Variants in SHPRH observed in about 807,000 individuals in gnomAD.
The protein encoded by SHPRH is SNF2 histone linker PHD RING helicase, also known as E3 ubiquitin-protein ligase SHPRH.
In SHPRH, 106 loss-of-function variants were observed where a neutral mutation model predicts 202.5. The ratio of observed to expected loss-of-function variants is 0.52; its 90% CI spans 0.45 to 0.62. The LOEUF (loss-of-function observed/expected upper bound fraction) is 0.62, where lower values mean the gene tolerates loss of function less well. SHPRH is among the 20% of genes least tolerant of loss of function. The pLI, the probability that SHPRH is intolerant of heterozygous loss-of-function variation, is 0.00. For synonymous variants in SHPRH, 729 were observed against 686.0 expected (o/e 1.06, Z -0.98); for missense variants, 1,710 against 2,020.0 (o/e 0.85, Z 2.94).
rs1403981557 is a variant in SHPRH at position 145,919,398 on chromosome 6, T to C, written c.4102A>G (p.Arg1368Gly). 1.2e-6 allele frequency: 2 copies of C among 1,613,224 alleles called. No homozygotes were observed. Among genetic ancestry groups the C allele is most frequent in the Non-Finnish European group, 1.7e-6 (2 of 1,179,434 alleles). Residue 1368 changes from arginine (R) to glycine (G), a missense_variant, in exon 22 of 30, where the codon AGG becomes GGG. Around this residue, in one of 8 missense-constraint regions of SHPRH, gnomAD observed 306 missense variants for 479.5 expected, o/e 0.64. Coordinates refer to ENST00000275233, the MANE Select transcript of SHPRH (RefSeq NM_001042683.3). ...ACAGGCGGATTAGGCTTTGGCTCCC[T>C]AGGATCACGCACTCTTAGTCGTTCT... ...ATERLRVRDP[R>G]EPKPNPPVLH...
At chr6:145,946,553 T>C (rs944927110) in intron 6 of SHPRH, among the ~76,000 whole-genome samples, 2 of 152,012 alleles carry the variant, frequency 1.3e-5, no homozygotes, top group African/African-American at 4.8e-5. Flanking sequence ...TATCTTAAAT[T>C]ACCTAAATGT....
At chr6:145,952,015 C>T (rs948199836) in intron 3 of SHPRH, 15 of 396,326 alleles carry the variant, frequency 3.8e-5, no homozygotes, top group African/African-American at 1.9e-4. Flanking sequence ...GTGGAATAAA[C>T]GCCAGCCAAG....
chr6:145,918,097 C>A, intron 23 of SHPRH, 34 bp downstream of exon 23: 3 of 1,526,614 alleles, frequency 2.0e-6, no homozygotes, highest in Non-Finnish European at 2.7e-6. Flanking sequence ...GATAATGCAG[C>A]ATAGGAAAAA....
At chr6:145,910,288 T>C (rs909398534) in intron 25 of SHPRH, 160 bp downstream of exon 25, 2 of 715,302 alleles carry the variant, frequency 2.8e-6, no homozygotes, top group East Asian at 2.6e-5. Flanking sequence ...AAAAATTACA[T>C]GGTTAAGCTG....
At chr6:145,961,363 A>G (rs1367032274) in intron 1 of SHPRH, among the ~76,000 whole-genome samples, 1 of 152,140 alleles carries the variant, frequency 6.6e-6, no homozygotes, top group Non-Finnish European at 1.5e-5. Context: ...GGTGCAGCCA[A>G]GTTCAAAAAA....
intron 25 of SHPRH, chr6:145,903,278 A>C (rs1019390222): frequency 6.6e-6 from 1 of 151,864 alleles, no homozygotes; most frequent in African/African-American, 2.4e-5. Context: ...TATTTTAATT[A>C]TATTTTAAAA....
At chr6:145,879,910 CAAAAAAA>C (rs67055862), downstream of SHPRH, among the ~76,000 whole-genome samples, 8 of 61,100 alleles carry the variant, frequency 1.3e-4, no homozygotes, top group Non-Finnish European at 1.8e-4. Flanking sequence ...AACTCAATCT[CAAAAAAA>C]AAAAAAAAAA....
chr6:145,946,302 C>A lies in SHPRH; in HGVS notation c.1252G>T (p.Gly418Ter). ...VNYFIPSHYFGGKLKKTEIQN... is the reference protein window; with the variant it reads ...VNYFIPSHYF ...ATTTCTGTCTTTTTCAGTTTTCCTCCAAAATAATGTGACGGAATAAAATAA... is the reference window on the plus strand; with the variant it reads ...ATTTCTGTCTTTTTCAGTTTTCCTCAAAAATAATGTGACGGAATAAAATAA... Residue 418 changes from glycine to a stop codon, truncating the protein, a stop_gained, in exon 7 of 30, where the codon GGA becomes TGA. Transcript: ENST00000275233. LOFTEE classifies it high-confidence loss of function. 6.2e-7 allele frequency: 1 copy of A among 1,607,258 alleles called. No homozygotes were observed. The highest frequency in any genetic ancestry group is 8.5e-7 in the Non-Finnish European group (1 of 1,176,588).
At chr6:145,874,727 A>C (rs1780223853) in intron 2 of SHPRH, among the ~76,000 whole-genome samples, 2 of 152,132 alleles carry the variant, frequency 1.3e-5, no homozygotes, top group South Asian at 4.1e-4. Context: ...AATAGAATAC[A>C]AACAGCTCAT....
At chr6:145,945,322 T>C in intron 8 of SHPRH, 59 bp downstream of exon 8, 19 of 1,515,788 alleles carry the variant, frequency 1.3e-5, no homozygotes, top group Non-Finnish European at 1.7e-5. Flanking sequence ...TCTGTCAATG[T>C]ACTCAGTAAG....
intron 1 of SHPRH, among the ~76,000 whole-genome samples, chr6:145,959,833 C>T (rs117633665): frequency 0.017 from 2,584 of 152,274 alleles, 34 homozygotes; most frequent in Non-Finnish European, 0.023. Context: ...TGGCTATGGT[C>T]AACTACTTTT....
rs868848276 is a variant in SHPRH at position 145,940,916 on chromosome 6, G to A, written c.2491-115C>T. The A allele has an allele frequency of 3.2e-5, 30 of 923,290 alleles. 1 individual carries two copies. The Middle Eastern group carries it at 1.1e-3, about 33-fold the overall frequency. The allele number at this position is 923,290 out of a possible 1,614,324, so 57.2% of individuals were successfully genotyped here. A position where few individuals can be genotyped will look rare whatever the true frequency, so the allele number is the denominator to read the frequency against. ...TTAAAAGCTACACTTCTGGTGAGAT[G>A]TACCTACTTTTATTTAACAGTTATC... On this transcript the variant is annotated intron_variant, in intron 10 of 29. Transcript: ENST00000275233.
Position 145,952,462 on chromosome 6 carries a change from A to G in SHPRH, c.650T>C (p.Leu217Ser). 2 of 1,606,816 alleles carry G rather than the reference A, an allele frequency of 1.2e-6. No individual in the cohort carries two copies. Among genetic ancestry groups the G allele is most frequent in the Non-Finnish European group, 1.7e-6 (2 of 1,176,780 alleles). Residue 217 changes from leucine to serine, a missense_variant, in exon 3 of 30, where the codon TTG becomes TCG. Physicochemically the swap from Leu to Ser is moderately radical, Grantham distance 145 (BLOSUM62 -2). Around this residue, in one of 8 missense-constraint regions of SHPRH, gnomAD observed 459 missense variants for 426.5 expected, o/e 1.08. Transcript: ENST00000275233. ...NHIIKVGIYL[L>S]EAGLAKLDFL... is the part of the protein sequence containing the mutation. Reference sequence around the variant, plus strand: ...GTCTAGTTTTGCTAGGCCAGCTTCCAAAAGATAAATTCCAACCTAAAAACA... The same window carrying G: ...GTCTAGTTTTGCTAGGCCAGCTTCCGAAAGATAAATTCCAACCTAAAAACA...
intron 28 of SHPRH, among the ~76,000 whole-genome samples, chr6:145,888,719 G>C (rs1232052251): frequency 2.0e-5 from 3 of 152,160 alleles, no homozygotes; most frequent in Non-Finnish European, 4.4e-5. Flanking sequence ...ACCGTGTGGA[G>C]GATGTACTTC....
rs756964463 is a variant in SHPRH, at chr6:145,910,432, T to C, written c.4515+16A>G. On this transcript the variant is annotated intron_variant, in intron 25 of 29. Transcript: ENST00000275233. ...TTGCCTTACCTATGCTTCTATGTGTTCCTGACCTACTTTACCTTCACAGGG... is the reference window on the plus strand; with the variant it reads ...TTGCCTTACCTATGCTTCTATGTGTCCCTGACCTACTTTACCTTCACAGGG... 1 of 1,612,398 alleles carries C rather than the reference T, an allele frequency of 6.2e-7. No individual in the cohort carries two copies. Among genetic ancestry groups the C allele is most frequent in the Non-Finnish European group, 8.5e-7 (1 of 1,179,002 alleles).
intron 9 of SHPRH, 100 bp from the exon 10 acceptor site, chr6:145,941,974 T>C (rs1471016796): frequency 6.4e-6 from 9 of 1,411,474 alleles, no homozygotes; most frequent in Non-Finnish European, 8.6e-6. Flanking sequence ...TCTATTTTCT[T>C]AGGAGCATTC....
At chr6:145,880,319 A>G (rs1194414499), downstream of SHPRH, among the ~76,000 whole-genome samples, 1 of 152,150 alleles carries the variant, frequency 6.6e-6, no homozygotes, top group Non-Finnish European at 1.5e-5. Flanking sequence ...CTTGACCCAT[A>G]ACTGCCAATT....
chr6:145,950,273 G>A lies in SHPRH; in HGVS notation c.973C>T (p.Pro325Ser). The change falls in exon 4 of 30, where the codon CCT becomes TCT. Residue 325 changes from proline (P) to serine (S), a missense_variant. Physicochemically the swap from Pro to Ser is moderately conservative, Grantham distance 74. Coordinates refer to ENST00000275233, the MANE Select transcript of SHPRH (RefSeq NM_001042683.3). ...MLQQECFRSS[P>S]ATESALHFLW... ...AACATCTTATTCTTACCAGTAGCAG[G>A]ACTGCTTCTGAAACACTCTTGTTGT... is the stretch of plus-strand genomic sequence containing the variant. 6.2e-7 allele frequency: 1 copy of A among 1,612,348 alleles called. No individual in the cohort carries two copies. The highest frequency in any genetic ancestry group is 8.5e-7 in the Non-Finnish European group (1 of 1,178,864).
At chr6:145,862,871 A>G (rs1046873773), downstream of SHPRH, 3 of 152,204 alleles carry the variant, frequency 2.0e-5, no homozygotes, top group African/African-American at 7.2e-5. Context: ...TGCAAGGTAT[A>G]AGGTTACTTC....
Sources: allele counts gnomAD v4.1 joint callset (sites outside exome capture counted in the v4.1 genomes callset), GRCh38; gene constraint gnomAD v4.1.1; regional missense constraint gnomAD v4.1.1; transcripts MANE v1.5; gene names NCBI Gene and HGNC (gene_info 2026-07-23, HGNC 2026-07-21).